Variants in POT1 observed in about 807,000 individuals in gnomAD.
POT1 encodes the protein protection of telomeres 1.
A neutral mutation model predicts 78.5 loss-of-function variants in POT1; 47 were observed. That is an observed-to-expected ratio of 0.60 (90% CI 0.47 to 0.76). POT1 has a LOEUF of 0.76. Ranked by LOEUF, POT1 falls within the 30% of genes least tolerant of loss-of-function variation. The pLI, the probability that POT1 is intolerant of heterozygous loss-of-function variation, is 0.00. For synonymous variants in POT1, 259 were observed against 260.7 expected (o/e 0.99, Z 0.06); for missense variants, 646 against 749.9 (o/e 0.86, Z 1.62).
chr7:124,825,420 T>C (rs1213528842), intron 17 of POT1, 63 bp from the exon 18 acceptor site: 1 of 964,288 alleles, frequency 1.0e-6, no homozygotes, highest in East Asian at 2.7e-5. Context: ...AATGTTATTA[T>C]TAACACATAT....
intron 2 of POT1, among the ~76,000 whole-genome samples, chr7:124,917,160 C>T (rs1797033176): frequency 6.6e-6 from 1 of 152,120 alleles, no homozygotes; most frequent in African/African-American, 2.4e-5. Context: ...GACCCAGGAC[C>T]TACTGCTACC....
rs1794562601 is a variant in POT1 at position 124,823,746 on chromosome 7, T to C, written c.*216A>G. The C allele has an allele frequency of 2.0e-6, 1 of 505,366 alleles. No individual in the cohort carries two copies. The highest frequency in any genetic ancestry group is 3.5e-6 in the Non-Finnish European group (1 of 288,454). The allele number at this position is 505,366 out of a possible 1,614,324, so 31.3% of individuals were successfully genotyped here. A position where few individuals can be genotyped will look rare whatever the true frequency, so the allele number is the denominator to read the frequency against. On this transcript the variant is annotated 3_prime_UTR_variant, in exon 19 of 19. Transcript: ENST00000357628. ...GCAGTACTTGTTTAAGCAGGTCTCTTTGTACAAAAGCAAAACAGAAAGCAA... is the reference window on the plus strand; with the variant it reads ...GCAGTACTTGTTTAAGCAGGTCTCTCTGTACAAAAGCAAAACAGAAAGCAA...
chr7:124,878,098 A>G (rs1796033303), intron 6 of POT1, among the ~76,000 whole-genome samples: 1 of 152,112 alleles, frequency 6.6e-6, no homozygotes, highest in African/African-American at 2.4e-5. Flanking sequence ...TAGGAGGCCA[A>G]GGTGGGTGGA....
At chr7:124,910,669 A>G (rs559156616) in intron 3 of POT1, among the ~76,000 whole-genome samples, 1 of 152,044 alleles carries the variant, frequency 6.6e-6, no homozygotes, top group African/African-American at 2.4e-5. Context: ...AACAAAGGAT[A>G]GGAAAAGAAA....
intron 11 of POT1, among the ~76,000 whole-genome samples, chr7:124,849,330 A>C (rs1795246733): frequency 1.3e-5 from 2 of 152,220 alleles, no homozygotes; most frequent in Admixed American, 1.3e-4. Flanking sequence ...ACAGAAAATC[A>C]GATAAAGAGT....
intron 2 of POT1, among the ~76,000 whole-genome samples, chr7:124,915,924 C>T (rs1258732574): frequency 6.6e-6 from 1 of 152,084 alleles, no homozygotes; most frequent in African/African-American, 2.4e-5. Context: ...ACTAGATCAA[C>T]TTTCCCTAGC....
At chr7:124,862,376 G>A (rs1011474313) in intron 8 of POT1, among the ~76,000 whole-genome samples, 1 of 152,150 alleles carries the variant, frequency 6.6e-6, no homozygotes, top group Non-Finnish European at 1.5e-5. Flanking sequence ...TGTTAAGAAT[G>A]TCACTTTTGC....
In POT1 at chr7:124,842,813, T is replaced by C. The variant is rs748857024; in HGVS notation, c.1157A>G (p.His386Arg). The C allele has an allele frequency of 1.3e-6, 2 of 1,596,454 alleles. No individual in the cohort carries two copies. The highest frequency in any genetic ancestry group is 1.7e-6 in the Non-Finnish European group (2 of 1,175,502). ...TATTATGGAAAATACTCACAGCAAATGACATTTAGGGCAATGAAGTTTAAC... is the reference window on the plus strand; with the variant it reads ...TATTATGGAAAATACTCACAGCAAACGACATTTAGGGCAATGAAGTTTAAC... ...QSVKLHCPKC[H>R]LLQEVPHEGD... The change falls in exon 13 of 19, where the codon CAT becomes CGT. Residue 386 changes from histidine to arginine, a missense_variant. His to Arg is a conservative substitution (Grantham distance 29). Transcript: ENST00000357628.
rs1795350062 is a variant in POT1 at position 124,852,988 on chromosome 7, C to T, written c.853G>A (p.Val285Met). ...IRVLPESNSD[V>M]DQLKKDLESA... ...AAAGCTTACTTTTTCAGTTGATCCACATCAGAGTTACTTTCTGGCAAGACC... is the reference window on the plus strand; with the variant it reads ...AAAGCTTACTTTTTCAGTTGATCCATATCAGAGTTACTTTCTGGCAAGACC... Residue 285 changes from valine to methionine, a missense_variant, in exon 10 of 19, where the codon GTG becomes ATG. Transcript: ENST00000357628. The T allele has an allele frequency of 1.2e-6, 2 of 1,612,858 alleles. No individual in the cohort carries two copies. The highest frequency in any genetic ancestry group is 1.7e-6 in the Non-Finnish European group (2 of 1,179,384).
intron 18 of POT1, among the ~76,000 whole-genome samples, chr7:124,824,396 C>G (rs1041981012): frequency 6.6e-6 from 1 of 151,960 alleles, no homozygotes; most frequent in African/African-American, 2.4e-5. Flanking sequence ...CAGGCCCATG[C>G]TTTTGGATAT....
chr7:124,840,726 CCAA>C, intron 14 of POT1: 1 of 292,176 alleles, frequency 3.4e-6, no homozygotes, highest in Non-Finnish European at 6.4e-6. Context: ...AAAATGCAAT[CCAA>C]CAATATAGTT....
At chr7:124,876,193 C>T (rs1029699581) in intron 6 of POT1, among the ~76,000 whole-genome samples, 1 of 152,096 alleles carries the variant, frequency 6.6e-6, no homozygotes, top group African/African-American at 2.4e-5. Context: ...GTTTGTATAT[C>T]TTTAAAACTA....
chr7:124,916,497 GAAAT>G (rs1797017934), intron 2 of POT1, among the ~76,000 whole-genome samples: 1 of 152,086 alleles, frequency 6.6e-6, no homozygotes, highest in East Asian at 1.9e-4. Flanking sequence ...CAACTAAGCA[GAAAT>G]CTGAGGAAAG....
chr7:124,923,914 A>C (rs1271206659), intron 2 of POT1, among the ~76,000 whole-genome samples: 1 of 151,728 alleles, frequency 6.6e-6, no homozygotes, highest in Non-Finnish European at 1.5e-5. Context: ...AACAAACAAA[A>C]AAACTGTAAG....
At chr7:124,883,631 C>G (rs182748496) in intron 6 of POT1, among the ~76,000 whole-genome samples, 1 of 152,020 alleles carries the variant, frequency 6.6e-6, no homozygotes, top group Non-Finnish European at 1.5e-5. Context: ...GAACATATCA[C>G]AGGTCATGAG....
intron 6 of POT1, among the ~76,000 whole-genome samples, chr7:124,880,938 T>C (rs1010310898): frequency 2.6e-5 from 4 of 151,966 alleles, no homozygotes; most frequent in African/African-American, 9.7e-5. Flanking sequence ...TTCCAAAATA[T>C]CATCTACTTG....
rs550183991 is a variant in POT1 at position 124,861,569 on chromosome 7, A to G, written c.546+1781T>C. Among the ~76,000 whole-genome samples, 450 of 152,188 alleles carry G rather than the reference A, an allele frequency of 3.0e-3. 2 individuals are homozygous for G. Among genetic ancestry groups the G allele is most frequent in the South Asian group, 0.013 (62 of 4,818 alleles). ...GTAGGTTGGCCTGTTCACTCTGATG[A>G]TAGTTTCTCTTGCTGTGCAGAAGCT... On this transcript the variant is annotated intron_variant, in intron 8 of 18. Coordinates refer to ENST00000357628, the MANE Select transcript of POT1 (RefSeq NM_015450.3).
chr7:124,896,052 A>ACACTTTTAATACTATATTCT (rs761476808), intron 5 of POT1, among the ~76,000 whole-genome samples: 2,357 of 151,820 alleles, frequency 0.016, 30 homozygotes, highest in Middle Eastern at 0.041. Context: ...CTCATAGACT[A>ACACTTTTAATACTATATTCT]CACTTTTAAT....
chr7:124,872,169 T>C (rs1237885821), intron 6 of POT1, among the ~76,000 whole-genome samples: 1 of 152,224 alleles, frequency 6.6e-6, no homozygotes, highest in Non-Finnish European at 1.5e-5. Flanking sequence ...GAATTTCCTT[T>C]GTATGTCTAA....
Sources: gnomAD v4.1 joint callset for allele counts (sites outside exome capture counted in the v4.1 genomes callset) on GRCh38, gnomAD v4.1.1 for gene constraint, MANE v1.5 for transcripts, NCBI Gene and HGNC (gene_info 2026-07-23, HGNC 2026-07-21) for gene names.